Variants in GRM5 observed in about 807,000 individuals in gnomAD.
GRM5 encodes the protein glutamate metabotropic receptor 5, also known as metabotropic glutamate receptor 5.
Under a neutral mutation model 83.1 loss-of-function variants are expected in GRM5, and 19 were observed. The observed-to-expected ratio is 0.23, with a 90% CI of 0.16 to 0.34. GRM5 has a LOEUF of 0.34. GRM5 is among the 10% of genes least tolerant of loss of function. The pLI is 1.00. For missense variants in GRM5, 1,160 were observed against 1,588.3 expected, an observed-to-expected ratio of 0.73 and a Z score of 4.58; for synonymous variants, 675 against 633.6, an observed-to-expected ratio of 1.07 and a Z score of -0.98.
In GRM5 at chr11:88,509,019, T is replaced by C. The variant is rs1314801321; in HGVS notation, c.3212A>G (p.Asn1071Ser). The C allele has an allele frequency of 4.5e-6, 7 of 1,571,504 alleles. No individual in the cohort carries two copies. The highest frequency in any genetic ancestry group is 1.2e-5 in the South Asian group (1 of 85,680). The change falls in exon 10 of 10, where the codon AAC becomes AGC. Residue 1071 changes from asparagine to serine, a missense_variant. Physicochemically the swap from Asn to Ser is conservative, Grantham distance 46. Around this residue, in one of 9 missense-constraint regions of GRM5, gnomAD observed 562 missense variants for 532.4 expected, o/e 1.06. Coordinates refer to ENST00000305447, the MANE Select transcript of GRM5 (RefSeq NM_001143831.3). ...ISSVVTRFTA[N>S]ISELNSMMLS... is the part of the protein sequence containing the mutation. ...CATCATGGAGTTGAGCTCGCTGATG[T>C]TGGCCGTGAAGCGGGTGACCACACT...
chr11:88,739,125 T>G (rs902807313), intron 3 of GRM5, among the ~76,000 whole-genome samples: 1 of 152,090 alleles, frequency 6.6e-6, no homozygotes, highest in Non-Finnish European at 1.5e-5. Flanking sequence ...CTATAAGCAC[T>G]TGGGCTTATA....
intron 7 of GRM5, among the ~76,000 whole-genome samples, chr11:88,569,698 A>T (rs192171759): frequency 6.6e-5 from 10 of 152,322 alleles, no homozygotes; most frequent in African/African-American, 2.4e-4. Flanking sequence ...GGAAGAGAAA[A>T]ATAGAGGGGG....
chr11:88,582,849 A>G (rs1943240245), intron 7 of GRM5, among the ~76,000 whole-genome samples: 1 of 152,132 alleles, frequency 6.6e-6, no homozygotes, highest in Admixed American at 6.6e-5. Flanking sequence ...TTTCCTGAAA[A>G]TATGGGGCTC....
In GRM5 at chr11:88,505,584, G is replaced by C. The variant is rs911354674; in HGVS notation, c.*3008C>G. 2 of 152,068 alleles carry C rather than the reference G, an allele frequency of 1.3e-5. No homozygotes were observed. Among genetic ancestry groups the C allele is most frequent in the African/African-American group, 4.8e-5 (2 of 41,386 alleles). The allele number at this position is 152,068 out of a possible 1,614,324, so 9.4% of individuals were successfully genotyped here. ...ACTCCCTTTCTGTTCCCCATCCCTA[G>C]CCCAGAAAGACGGTTCTTCCCAATC... On this transcript the variant is annotated 3_prime_UTR_variant, in exon 10 of 10. Transcript: ENST00000305447.
At chr11:89,017,779 A>G (rs1940895766) in intron 2 of GRM5, among the ~76,000 whole-genome samples, 1 of 152,220 alleles carries the variant, frequency 6.6e-6, no homozygotes, top group African/African-American at 2.4e-5. Flanking sequence ...TAGAGTTTCT[A>G]TTCCAGAAGG....
At chr11:88,604,482 G>A (rs537987230) in intron 5 of GRM5, among the ~76,000 whole-genome samples, 14 of 152,220 alleles carry the variant, frequency 9.2e-5, no homozygotes, top group African/African-American at 3.4e-4. Flanking sequence ...CTTAGTTTAG[G>A]TCTCTGAAAT....
chr11:88,889,235 A>C (rs1474326263), intron 2 of GRM5, among the ~76,000 whole-genome samples: 1 of 152,152 alleles, frequency 6.6e-6, no homozygotes, highest in African/African-American at 2.4e-5. Flanking sequence ...AGGCAAGAGG[A>C]AAGTATATTT....
At chr11:88,738,691 CA>C (rs1431057898) in intron 3 of GRM5, among the ~76,000 whole-genome samples, 11 of 152,214 alleles carry the variant, frequency 7.2e-5, no homozygotes, top group African/African-American at 2.4e-4. Context: ...CACTCTTATA[CA>C]TCTCTGTTTA....
intron 2 of GRM5, among the ~76,000 whole-genome samples, chr11:88,930,799 T>C (rs1937677985): frequency 6.6e-6 from 1 of 152,104 alleles, no homozygotes. Context: ...TCCACCCACC[T>C]TGGCCTCCAA....
intron 2 of GRM5, among the ~76,000 whole-genome samples, chr11:89,008,359 A>G (rs1472736460): frequency 6.6e-6 from 1 of 152,176 alleles, no homozygotes; most frequent in Non-Finnish European, 1.5e-5. Context: ...CTCTATCATA[A>G]ATCATAAATT....
At chr11:88,974,828 G>A (rs550875697) in intron 2 of GRM5, among the ~76,000 whole-genome samples, 2 of 152,132 alleles carry the variant, frequency 1.3e-5, no homozygotes, top group South Asian at 4.1e-4. Flanking sequence ...AAGTAAGTAG[G>A]AACATACTAG....
At chr11:88,990,896 A>T (rs1591026991) in intron 2 of GRM5, among the ~76,000 whole-genome samples, 1 of 152,170 alleles carries the variant, frequency 6.6e-6, no homozygotes, top group Non-Finnish European at 1.5e-5. Context: ...ACAAACCCAC[A>T]GCCAATATCG....
At chr11:88,785,793 G>A (rs181619271) in intron 3 of GRM5, among the ~76,000 whole-genome samples, 1 of 152,088 alleles carries the variant, frequency 6.6e-6, no homozygotes, top group Admixed American at 6.6e-5. Flanking sequence ...TACCATTTTT[G>A]ACATGGTTAG....
intron 3 of GRM5, among the ~76,000 whole-genome samples, chr11:88,715,503 G>A (rs2135388743): frequency 6.6e-6 from 1 of 152,024 alleles, no homozygotes; most frequent in Middle Eastern, 3.4e-3. Flanking sequence ...GAAGCAGGCA[G>A]AGCTGCTGAC....
At chr11:89,017,061 G>A (rs1940877066) in intron 2 of GRM5, among the ~76,000 whole-genome samples, 1 of 152,108 alleles carries the variant, frequency 6.6e-6, no homozygotes, top group South Asian at 2.1e-4. Flanking sequence ...GTAGATATAA[G>A]AATAAATTTG....
chr11:88,947,503 TTC>T (rs1034438442), intron 2 of GRM5, among the ~76,000 whole-genome samples: 3 of 152,018 alleles, frequency 2.0e-5, no homozygotes, highest in African/African-American at 7.2e-5. Flanking sequence ...CTAAAACGTG[TTC>T]TTTTTACCAT....
intron 3 of GRM5, among the ~76,000 whole-genome samples, chr11:88,755,203 G>A (rs1942371899): frequency 6.6e-6 from 1 of 152,118 alleles, no homozygotes; most frequent in Non-Finnish European, 1.5e-5. Flanking sequence ...CAAGAGCTTG[G>A]GGATTCTCAA....
chr11:88,834,326 G>GT (rs1944053457), intron 3 of GRM5, among the ~76,000 whole-genome samples: 1 of 152,050 alleles, frequency 6.6e-6, no homozygotes, highest in South Asian at 2.1e-4. Flanking sequence ...GTAAAATTAA[G>GT]TAAGAAAACA....
intron 9 of GRM5, chr11:88,511,599 A>AATGAACC (rs1235539743): frequency 6.6e-6 from 1 of 152,318 alleles, no homozygotes; most frequent in African/African-American, 2.4e-5. Context: ...GGAAAGGATG[A>AATGAACC]ATGAACCATT....
Sources: gnomAD v4.1 joint callset for allele counts (sites outside exome capture counted in the v4.1 genomes callset) on GRCh38, gnomAD v4.1.1 for gene constraint, gnomAD v4.1.1 regional missense constraint, MANE v1.5 for transcripts, NCBI Gene and HGNC (gene_info 2026-07-23, HGNC 2026-07-21) for gene names.